NRG1: variants seen among roughly 807,000 people sequenced by gnomAD.
NRG1 encodes neuregulin 1.
Under a neutral mutation model 63.8 loss-of-function variants are expected in NRG1, and 18 were observed. That is an observed-to-expected ratio of 0.28 (90% CI 0.19 to 0.42). The LOEUF (loss-of-function observed/expected upper bound fraction) is 0.42, where lower values mean the gene tolerates loss of function less well. NRG1 is among the 10% of genes least tolerant of loss of function. NRG1 has a pLI of 1.00. For synonymous variants in NRG1, 302 were observed against 301.3 expected, an observed-to-expected ratio of 1.00 and a Z score of -0.02; for missense variants, 762 against 814.7, an observed-to-expected ratio of 0.94 and a Z score of 0.79.
intron 1 of NRG1, among the ~76,000 whole-genome samples, chr8:32,571,190 G>C (rs1421984531): frequency 6.6e-6 from 1 of 152,172 alleles, no homozygotes; most frequent in East Asian, 1.9e-4. Flanking sequence ...ATACAGCAAT[G>C]ACATGACATC....
intron 1 of NRG1, among the ~76,000 whole-genome samples, chr8:32,085,184 C>A (rs1828037498): frequency 6.6e-6 from 1 of 152,176 alleles, no homozygotes; most frequent in Admixed American, 6.5e-5. Context: ...TATCCACTCG[C>A]CCATAGGATT....
intron 1 of NRG1, among the ~76,000 whole-genome samples, chr8:32,535,677 T>A (rs1041331131): frequency 6.6e-6 from 1 of 152,222 alleles, no homozygotes; most frequent in Non-Finnish European, 1.5e-5. Context: ...CAAATGAGGT[T>A]TGATCATCTG....
intron 1 of NRG1, among the ~76,000 whole-genome samples, chr8:32,422,200 A>C (rs959320702): frequency 6.6e-6 from 1 of 152,152 alleles, no homozygotes; most frequent in South Asian, 2.1e-4. Context: ...AAAGTAAAGC[A>C]TCATCCCAAT....
intron 1 of NRG1, among the ~76,000 whole-genome samples, chr8:31,996,057 CTCA>C (rs1433576321): frequency 6.6e-6 from 1 of 151,728 alleles, no homozygotes; most frequent in African/African-American, 2.4e-5. Flanking sequence ...TCTTCTTCAT[CTCA>C]TCAAGTATGC....
chr8:32,326,875 C>A (rs978365619), intron 1 of NRG1, among the ~76,000 whole-genome samples: 6 of 152,096 alleles, frequency 3.9e-5, no homozygotes, highest in Non-Finnish European at 8.8e-5. Context: ...ATTAAAAAAA[C>A]CTATGCTCAA....
chr8:32,325,748 A>G (rs1295048993), intron 1 of NRG1, among the ~76,000 whole-genome samples: 1 of 152,210 alleles, frequency 6.6e-6, no homozygotes, highest in Non-Finnish European at 1.5e-5. Context: ...TAAAGAATAA[A>G]TTAAAAATTA....
intron 1 of NRG1, among the ~76,000 whole-genome samples, chr8:31,760,652 G>A (rs938970178): frequency 1.3e-5 from 2 of 152,130 alleles, no homozygotes; most frequent in African/African-American, 2.4e-5. Flanking sequence ...GATATGAACA[G>A]GCACTTCTCA....
At chr8:32,653,346 G>A (rs1484139651) in intron 5 of NRG1, among the ~76,000 whole-genome samples, 1 of 152,036 alleles carries the variant, frequency 6.6e-6, no homozygotes, top group Non-Finnish European at 1.5e-5. Context: ...TCTTCATTCA[G>A]CATTTCTTCT....
chr8:32,040,750 C>CATATATGTGTATATATATATAT (rs1819864113), intron 1 of NRG1, among the ~76,000 whole-genome samples: 6 of 48,700 alleles, frequency 1.2e-4, no homozygotes, highest in Non-Finnish European at 2.1e-4. Flanking sequence ...AATTTAGGCG[C>CATATATGTGTATATATATATAT]ATATATATAT....
chr8:32,451,848 C>T (rs1166942226), intron 1 of NRG1, among the ~76,000 whole-genome samples: 1 of 151,968 alleles, frequency 6.6e-6, no homozygotes, highest in African/African-American at 2.4e-5. Flanking sequence ...TTTTTTTAGA[C>T]AAGGTCTTGC....
chr8:32,479,502 A>G (rs976617842), intron 1 of NRG1, among the ~76,000 whole-genome samples: 2 of 152,100 alleles, frequency 1.3e-5, no homozygotes, highest in East Asian at 1.9e-4. Context: ...TAAATTCATT[A>G]AACTGAACAA....
At chr8:32,005,638 G>C (rs1419180945) in intron 1 of NRG1, among the ~76,000 whole-genome samples, 1 of 151,924 alleles carries the variant, frequency 6.6e-6, no homozygotes. Context: ...GAGGCAATTG[G>C]TGTTATGCTT....
intron 1 of NRG1, among the ~76,000 whole-genome samples, chr8:32,559,840 AC>A (rs1390789238): frequency 7.1e-6 from 1 of 141,340 alleles, no homozygotes; most frequent in Non-Finnish European, 1.6e-5. Context: ...ACAAAAAAAT[AC>A]AAAAAAAAAA....
chr8:32,599,441 C>T (rs1386719906), intron 2 of NRG1, among the ~76,000 whole-genome samples: 2 of 152,162 alleles, frequency 1.3e-5, no homozygotes, highest in African/African-American at 4.8e-5. Context: ...TTTAGTGGCA[C>T]AATTTCACAG....
intron 1 of NRG1, among the ~76,000 whole-genome samples, chr8:32,202,693 T>C (rs2132307081): frequency 1.3e-5 from 2 of 151,684 alleles, no homozygotes; most frequent in South Asian, 4.2e-4. Flanking sequence ...AAGATGATCT[T>C]CCCCTGTAGT....
chr8:31,808,308 C>T (rs888678058), intron 1 of NRG1, among the ~76,000 whole-genome samples: 14 of 151,972 alleles, frequency 9.2e-5, no homozygotes, highest in South Asian at 4.2e-4. Flanking sequence ...ATTATTTCAT[C>T]TTTTGTTTCA....
At chr8:32,265,297 T>G (rs1850803440) in intron 1 of NRG1, among the ~76,000 whole-genome samples, 1 of 152,054 alleles carries the variant, frequency 6.6e-6, no homozygotes. Context: ...ATTGTACCAC[T>G]GCACTCCAGC....
intron 1 of NRG1, among the ~76,000 whole-genome samples, chr8:31,693,776 A>T (rs1268968827): frequency 6.6e-6 from 1 of 152,142 alleles, no homozygotes; most frequent in African/African-American, 2.4e-5. Context: ...TGTCTTCAGG[A>T]TTTATGACTG....
At chr8:32,659,437 C>T (rs1675457150) in intron 5 of NRG1, among the ~76,000 whole-genome samples, 1 of 152,126 alleles carries the variant, frequency 6.6e-6, no homozygotes, top group Admixed American at 6.5e-5. Flanking sequence ...CGTGACCCAC[C>T]GTGGCCAGCC....
Sources: allele counts gnomAD v4.1 joint callset (sites outside exome capture counted in the v4.1 genomes callset), GRCh38; gene constraint gnomAD v4.1.1; transcripts MANE v1.5; gene names NCBI Gene and HGNC (gene_info 2026-07-23, HGNC 2026-07-21).